TLE4: variants seen among roughly 807,000 people sequenced by gnomAD.
TLE4 encodes transducin-like enhancer protein 4.
Under a neutral mutation model 92.8 loss-of-function variants are expected in TLE4, and 8 were observed. The observed-to-expected ratio is 0.09, with a 90% CI of 0.05 to 0.16. The LOEUF (loss-of-function observed/expected upper bound fraction) is 0.16, where lower values mean the gene tolerates loss of function less well. Ranked by LOEUF, TLE4 falls within the 10% of genes least tolerant of loss-of-function variation. TLE4 has a pLI of 1.00. For synonymous variants in TLE4, 371 were observed against 374.1 expected (o/e 0.99, Z 0.10); for missense variants, 675 against 997.6 (o/e 0.68, Z 4.36).
intron 4 of TLE4, among the ~76,000 whole-genome samples, chr9:79,590,686 C>G (rs1451799422): frequency 6.6e-6 from 1 of 152,126 alleles, no homozygotes; most frequent in Non-Finnish European, 1.5e-5. Context: ...AGGATGCACA[C>G]TTGTGAGGTG....
chr9:79,590,263 A>G (rs983637067), intron 4 of TLE4, among the ~76,000 whole-genome samples: 1 of 152,218 alleles, frequency 6.6e-6, no homozygotes, highest in East Asian at 1.9e-4. Context: ...AGCTAGGGGA[A>G]GACAAAACAC....
chr9:79,575,855 TG>T (rs2037591866), intron 3 of TLE4: 1 of 282,336 alleles, frequency 3.5e-6, no homozygotes, highest in African/African-American at 2.2e-5. Context: ...CAGACTTTTT[TG>T]ATGCATCTGC....
intron 8 of TLE4, among the ~76,000 whole-genome samples, chr9:79,700,309 C>A (rs2069447616): frequency 6.6e-6 from 1 of 152,196 alleles, no homozygotes; most frequent in South Asian, 2.1e-4. Context: ...ATCTGTGCTC[C>A]CTGTTATTAA....
Position 79,726,242 on chromosome 9 carries a change from A to G in TLE4, c.*1098A>G, listed in dbSNP as rs977837193. Reference sequence around the variant, plus strand: ...CATGTCTTAGTTGGATGTCCCTGAAATGGACACAGGCTGTGCCATTGTGCC... The same window carrying G: ...CATGTCTTAGTTGGATGTCCCTGAAGTGGACACAGGCTGTGCCATTGTGCC... On this transcript the variant is annotated 3_prime_UTR_variant, in exon 20 of 20. Coordinates refer to ENST00000376552, the MANE Select transcript of TLE4 (RefSeq NM_007005.6). 2.0e-5 allele frequency: 3 copies of G among 152,652 alleles called. No homozygotes were observed. Among genetic ancestry groups the G allele is most frequent in the Non-Finnish European group, 4.4e-5 (3 of 68,042 alleles). The allele number at this position is 152,652 out of a possible 1,614,324, so 9.5% of individuals were successfully genotyped here.
chr9:79,606,187 GTTTTTTTTTTTTTTTTTTTTT>G (rs71364420), intron 4 of TLE4, among the ~76,000 whole-genome samples: 37 of 28,674 alleles, frequency 1.3e-3, no homozygotes, highest in Non-Finnish European at 2.1e-3. Flanking sequence ...AGTAGTAGTT[GTTTTTTTTTTTTTTTTTTTTT>G]TTTTTTTTTT....
chr9:79,652,194 C>CTT (rs1204125262), intron 6 of TLE4, among the ~76,000 whole-genome samples: 2 of 147,852 alleles, frequency 1.4e-5, no homozygotes, highest in African/African-American at 5.0e-5. Context: ...TTTTCTTTTT[C>CTT]TTTTTTTTTT....
chr9:79,616,145 G>A lies in TLE4; in HGVS notation c.315+3427G>A, dbSNP rs11138312. On this transcript the variant is annotated intron_variant, in intron 5 of 19. Transcript: ENST00000376552. Reference sequence around the variant, plus strand: ...TATTTCGGTCTCATTTGCAGGGGAAGAACTATAAATATCAACTCTGAGTTG... The same window carrying A: ...TATTTCGGTCTCATTTGCAGGGGAAAAACTATAAATATCAACTCTGAGTTG... 6.3e-3 allele frequency among the ~76,000 whole-genome samples: 963 copies of A among 152,258 alleles called. 7 individuals are homozygous for A. Among genetic ancestry groups the A allele is most frequent in the Non-Finnish European group, 9.1e-3 (621 of 68,028 alleles).
chr9:79,608,001 C>T (rs2047490917), intron 4 of TLE4, among the ~76,000 whole-genome samples: 2 of 151,914 alleles, frequency 1.3e-5, no homozygotes, highest in Non-Finnish European at 2.9e-5. Context: ...TCTAAATATA[C>T]AATCATGTCA....
chr9:79,683,629 C>T (rs2065193914), intron 8 of TLE4, among the ~76,000 whole-genome samples: 1 of 152,118 alleles, frequency 6.6e-6, no homozygotes, highest in African/African-American at 2.4e-5. Context: ...TTATATCTTG[C>T]CTTTTAATCC....
At chr9:79,623,089 G>T (rs1000743682) in intron 5 of TLE4, among the ~76,000 whole-genome samples, 1 of 151,980 alleles carries the variant, frequency 6.6e-6, no homozygotes. Flanking sequence ...ATACTTTAGA[G>T]AGAGAATATA....
intron 16 of TLE4, 79 bp downstream of exon 16, chr9:79,720,372 G>A: frequency 8.5e-7 from 1 of 1,177,000 alleles, no homozygotes; most frequent in African/African-American, 2.0e-5. Flanking sequence ...GTGTATATAG[G>A]TATGGGTGTG....
intron 6 of TLE4, among the ~76,000 whole-genome samples, chr9:79,632,903 G>A (rs1350638273): frequency 6.6e-6 from 1 of 152,140 alleles, no homozygotes; most frequent in Non-Finnish European, 1.5e-5. Context: ...TTGCACAATG[G>A]GGGAAGGGGC....
At chr9:79,580,772 T>G (rs1457027604) in intron 4 of TLE4, among the ~76,000 whole-genome samples, 1 of 151,882 alleles carries the variant, frequency 6.6e-6, no homozygotes, top group Non-Finnish European at 1.5e-5. Flanking sequence ...GAGAGTGAAC[T>G]ATCATGGAAG....
At chr9:79,666,192 TGTGTGG>T (rs1224471795) in intron 8 of TLE4, among the ~76,000 whole-genome samples, 2 of 145,528 alleles carry the variant, frequency 1.4e-5, no homozygotes, top group South Asian at 2.2e-4. Flanking sequence ...TGTGTGTGTG[TGTGTGG>T]GTGGGGTTTT....
intron 3 of TLE4, 166 bp downstream of exon 3, chr9:79,575,102 T>C (rs1451024482): frequency 2.3e-6 from 1 of 437,466 alleles, no homozygotes; most frequent in South Asian, 4.2e-5. Flanking sequence ...TAGGCTGTTA[T>C]AACTTGCCTT....
intron 4 of TLE4, among the ~76,000 whole-genome samples, chr9:79,592,230 C>CT (rs2042834524): frequency 1.4e-5 from 1 of 71,890 alleles, no homozygotes; most frequent in South Asian, 3.4e-4. Flanking sequence ...TCTTCTTCTT[C>CT]TTCTTCCTTC....
chr9:79,572,859 G>C lies in TLE4; in HGVS notation c.45+24G>C, dbSNP rs930330022. The C allele has an allele frequency of 1.4e-5, 22 of 1,591,890 alleles. No individual in the cohort carries two copies. The African/African-American group carries it at 2.6e-4, about 19-fold the overall frequency. On this transcript the variant is annotated intron_variant, in intron 1 of 19. Coordinates refer to ENST00000376552, the MANE Select transcript of TLE4 (RefSeq NM_007005.6). ...CAGTGAGTGCGGGCGGCGGGGCGCGGGCTCGCCGGGTGCTGGGGGATTCCC... is the reference window on the plus strand; with the variant it reads ...CAGTGAGTGCGGGCGGCGGGGCGCGCGCTCGCCGGGTGCTGGGGGATTCCC...
intron 1 of TLE4, chr9:79,573,460 G>A: frequency 9.3e-7 from 1 of 1,076,254 alleles, no homozygotes; most frequent in Non-Finnish European, 1.2e-6. Context: ...CGGGGTCCGG[G>A]GCGCGGGGGC....
At chr9:79,581,531 G>C (rs1446509673) in intron 4 of TLE4, among the ~76,000 whole-genome samples, 14 of 152,188 alleles carry the variant, frequency 9.2e-5, no homozygotes, top group Non-Finnish European at 4.4e-5. Context: ...TTCAATAGAA[G>C]TAAACATTTA....
Sources: allele counts gnomAD v4.1 joint callset (sites outside exome capture counted in the v4.1 genomes callset), GRCh38; gene constraint gnomAD v4.1.1; transcripts MANE v1.5; gene names NCBI Gene and HGNC (gene_info 2026-07-23, HGNC 2026-07-21).